Variants in FER1L6 observed in about 807,000 individuals in gnomAD.
FER1L6 encodes the protein fer-1 like family member 6, also known as fer-1-like protein 6.
FER1L6 carries 177 observed loss-of-function variants against 219.2 expected under a neutral mutation model. The observed-to-expected ratio is 0.81, with a 90% CI of 0.71 to 0.91. FER1L6 has a LOEUF of 0.91. FER1L6 is among the 40% of genes least tolerant of loss of function. The probability of loss-of-function intolerance (pLI) is 0.00; values close to 1 mark genes in which losing one functional copy is unlikely to be tolerated. For missense variants in FER1L6, 2,153 were observed against 2,259.9 expected, an observed-to-expected ratio of 0.95 and a Z score of 0.96; for synonymous variants, 768 against 824.3, an observed-to-expected ratio of 0.93 and a Z score of 1.17.
chr8:123,989,787 C>T (rs1816763007), intron 12 of FER1L6, among the ~76,000 whole-genome samples: 1 of 152,104 alleles, frequency 6.6e-6, no homozygotes, highest in African/African-American at 2.4e-5. Context: ...TGTGTATATA[C>T]CACATTTTCT....
chr8:123,963,498 A>G, intron 3 of FER1L6, 100 bp downstream of exon 3: 1 of 1,392,836 alleles, frequency 7.2e-7, no homozygotes. Flanking sequence ...AGTAAGACAT[A>G]GTCACTGTCT....
intron 1 of FER1L6, among the ~76,000 whole-genome samples, chr8:123,882,130 G>C (rs1392337024): frequency 6.6e-6 from 1 of 151,798 alleles, no homozygotes; most frequent in Non-Finnish European, 1.5e-5. Flanking sequence ...TTTGCCTAAA[G>C]AACATTGAAA....
At chr8:123,869,148 G>T (rs1816885018) in intron 1 of FER1L6, among the ~76,000 whole-genome samples, 1 of 152,128 alleles carries the variant, frequency 6.6e-6, no homozygotes, top group Admixed American at 6.5e-5. Flanking sequence ...AAAAACAAAG[G>T]ATTACACTAG....
intron 10 of FER1L6, among the ~76,000 whole-genome samples, chr8:123,978,105 T>A (rs1305469621): frequency 6.6e-6 from 1 of 152,192 alleles, no homozygotes; most frequent in Non-Finnish European, 1.5e-5. Flanking sequence ...GAAGCCAGGC[T>A]CTGGGAGCCA....
intron 39 of FER1L6, among the ~76,000 whole-genome samples, chr8:124,114,895 G>GTATATA (rs71289637): frequency 0.021 from 1,918 of 89,834 alleles, 48 homozygotes; most frequent in Non-Finnish European, 0.027. Flanking sequence ...GTGTGTGTGC[G>GTATATA]TATATATATA....
At chr8:124,058,166 A>G (rs552406118) in intron 22 of FER1L6, among the ~76,000 whole-genome samples, 23 of 152,320 alleles carry the variant, frequency 1.5e-4, no homozygotes, top group Middle Eastern at 3.4e-3. Context: ...GCTTCTGAGC[A>G]TCAGTGATTT....
chr8:123,937,158 C>T lies in FER1L6; in HGVS notation c.-7-18834C>T, dbSNP rs531081882. ...AGACGTTAAGGTGGTCCGTCCACCT[C>T]GCCCTCCCAGAGTGCTGGGATTACA... On this transcript the variant is annotated intron_variant, in intron 1 of 40. Coordinates refer to ENST00000522917, the MANE Select transcript of FER1L6 (RefSeq NM_001039112.2). 1.4e-4 allele frequency among the ~76,000 whole-genome samples: 21 copies of T among 152,324 alleles called. No homozygotes were observed. The South Asian group carries it at 2.5e-3, about 18-fold the overall frequency.
At position 124,071,740 on chromosome 8, in the gene FER1L6, A is replaced by G. The variant is rs1388781312; in HGVS notation, c.4092+109A>G. 8.9e-6 allele frequency: 12 copies of G among 1,344,868 alleles called. No homozygotes were observed. In the Admixed American group the frequency reaches 2.5e-4, roughly 28 times the overall value. 83.3% of individuals were successfully genotyped at this position (1,344,868 alleles called of 1,614,324 possible). On this transcript the variant is annotated intron_variant, in intron 31 of 40. Coordinates refer to ENST00000522917, the MANE Select transcript of FER1L6 (RefSeq NM_001039112.2). ...AAACAACAGAAATTTACTTTCCCACAGTTTTGAATGCCATAAGTCTATAAT... is the reference window on the plus strand; with the variant it reads ...AAACAACAGAAATTTACTTTCCCACGGTTTTGAATGCCATAAGTCTATAAT...
At chr8:123,968,596 G>A (rs904577420) in intron 5 of FER1L6, among the ~76,000 whole-genome samples, 3 of 152,184 alleles carry the variant, frequency 2.0e-5, no homozygotes, top group African/African-American at 4.8e-5. Context: ...GAAGAATGTT[G>A]TGTAAGTGAA....
intron 32 of FER1L6, 119 bp from the exon 33 acceptor site, chr8:124,082,169 G>A (rs992921295): frequency 7.2e-6 from 5 of 698,980 alleles, no homozygotes; most frequent in Non-Finnish European, 1.2e-5. Flanking sequence ...AGTATTAACT[G>A]AGTTGCTGAG....
chr8:124,119,710 A>G lies in FER1L6; in HGVS notation c.5494A>G (p.Ile1832Val), dbSNP rs746552926. 1 of 1,613,010 alleles carries G rather than the reference A, an allele frequency of 6.2e-7. No individual in the cohort carries two copies. The highest frequency in any genetic ancestry group is 8.5e-7 in the Non-Finnish European group (1 of 1,179,096). Reference sequence around the variant, plus strand: ...GTACATCATCATTGCTTTCATTCTCATCATCCTCATCATCTTCCTCGTCCT... The same window carrying G: ...GTACATCATCATTGCTTTCATTCTCGTCATCCTCATCATCTTCCTCGTCCT... ...KKYIIIAFIL[I>V]ILIIFLVLFI... Residue 1832 changes from isoleucine (I) to valine (V), a missense_variant, in exon 41 of 41, where the codon ATC (isoleucine) becomes GTC (valine). Transcript: ENST00000522917.
chr8:123,897,106 A>G (rs1239389412), intron 1 of FER1L6, among the ~76,000 whole-genome samples: 1 of 152,086 alleles, frequency 6.6e-6, no homozygotes, highest in Non-Finnish European at 1.5e-5. Context: ...TTCTTTCATC[A>G]TGATACATCT....
At chr8:123,918,471 G>A (rs933060489) in intron 1 of FER1L6, among the ~76,000 whole-genome samples, 1 of 152,120 alleles carries the variant, frequency 6.6e-6, no homozygotes, top group African/African-American at 2.4e-5. Context: ...TTGTCTATGT[G>A]CAATCGCATC....
At chr8:124,118,709 C>A in intron 39 of FER1L6, 135 bp from the exon 40 acceptor site, 1 of 755,346 alleles carries the variant, frequency 1.3e-6, no homozygotes. Context: ...AAAGCAACAA[C>A]ATTTATCAAA....
Position 123,975,950 on chromosome 8 carries a change from T to A in FER1L6, c.736T>A (p.Tyr246Asn), listed in dbSNP as rs1816050693. Residue 246 changes from tyrosine (Y) to asparagine (N), a missense_variant, in exon 9 of 41, where the codon TAT becomes AAT. Physicochemically the swap from Tyr to Asn is moderately radical, Grantham distance 143. Coordinates refer to ENST00000522917, the MANE Select transcript of FER1L6 (RefSeq NM_001039112.2). Reference protein sequence around the residue: ...FPLERPWARFYVRLYKAEGLP... With the variant: ...FPLERPWARFNVRLYKAEGLP... Reference sequence around the variant, plus strand: ...ACTGGAGAGACCGTGGGCCAGATTCTATGTGAGACTCTACAAAGCAGAAGG... The same window carrying A: ...ACTGGAGAGACCGTGGGCCAGATTCAATGTGAGACTCTACAAAGCAGAAGG... 1 of 1,613,752 alleles carries A rather than the reference T, an allele frequency of 6.2e-7. No homozygotes were observed. Among genetic ancestry groups the A allele is most frequent in the Non-Finnish European group, 8.5e-7 (1 of 1,179,836 alleles).
Position 124,097,898 on chromosome 8 carries a change from A to G in FER1L6, c.4883+15A>G. The G allele has an allele frequency of 7.5e-7, 1 of 1,327,886 alleles. No individual in the cohort carries two copies. The highest frequency in any genetic ancestry group is 2.3e-5 in the East Asian group (1 of 43,466). The allele number at this position is 1,327,886 out of a possible 1,614,324, so 82.3% of individuals were successfully genotyped here. A position where few individuals can be genotyped will look rare whatever the true frequency, so the allele number is the denominator to read the frequency against. On this transcript the variant is annotated intron_variant, in intron 37 of 40. Coordinates refer to ENST00000522917, the MANE Select transcript of FER1L6 (RefSeq NM_001039112.2). ...TATGTGAAAGGGTAAGGTTATCAAC[A>G]AACTCCAACCTCCCATTTCCTTCCC...
chr8:124,029,427 G>A (rs1452638789), intron 18 of FER1L6, among the ~76,000 whole-genome samples: 2 of 152,156 alleles, frequency 1.3e-5, no homozygotes, highest in African/African-American at 4.8e-5. Context: ...AGCCTTGCCA[G>A]CATCTGTTGT....
chr8:124,059,423 A>T (rs1820458424), intron 22 of FER1L6, among the ~76,000 whole-genome samples: 1 of 152,234 alleles, frequency 6.6e-6, no homozygotes, highest in Non-Finnish European at 1.5e-5. Context: ...CAGGGTCAGA[A>T]AAAGCTTCTT....
chr8:124,023,458 C>A lies in FER1L6; in HGVS notation c.2148C>A (p.Ile716=), dbSNP rs141965922. ...TATTCCCACAGCCCCAGCACACTAT[C>A]CCTGACGTTTTCATCTGGATGCTCA... ...RFLVDEPQHT[I]PDVFIWMLSN... The change falls in exon 18 of 41, where the codon ATC becomes ATA. Residue 716 remains isoleucine, a synonymous_variant. Coordinates refer to ENST00000522917, the MANE Select transcript of FER1L6 (RefSeq NM_001039112.2). 1.2e-3 allele frequency: 1,900 copies of A among 1,614,110 alleles called. 50 individuals carry two copies. The East Asian group carries it at 0.039, about 33-fold the overall frequency.
Sources: allele counts gnomAD v4.1 joint callset (sites outside exome capture counted in the v4.1 genomes callset), GRCh38; gene constraint gnomAD v4.1.1; transcripts MANE v1.5; gene names NCBI Gene and HGNC (gene_info 2026-07-23, HGNC 2026-07-21).